CLNK: variants seen among roughly 807,000 people sequenced by gnomAD.
The protein encoded by CLNK is cytokine-dependent hematopoietic cell linker.
In CLNK, 74 loss-of-function variants were observed where a neutral mutation model predicts 68.6. That is an observed-to-expected ratio of 1.08 (90% confidence interval 0.89 to 1.31). The LOEUF (loss-of-function observed/expected upper bound fraction) is 1.31. Ranked by LOEUF, CLNK falls within the 50% of genes most tolerant of loss-of-function variation. CLNK has a pLI of 0.00. For synonymous variants in CLNK, 198 were observed against 172.2 expected (o/e 1.15, Z -1.17); for missense variants, 553 against 515.3 (o/e 1.07, Z -0.71).
chr4:10,622,994 C>A (rs921644814), intron 2 of CLNK, among the ~76,000 whole-genome samples: 3 of 152,114 alleles, frequency 2.0e-5, no homozygotes, highest in African/African-American at 7.2e-5. Context: ...CCATTTATGT[C>A]CCAAAGTCCC....
the CLNK span, among the ~76,000 whole-genome samples, chr4:10,730,833 A>G: frequency 9.9e-5 from 15 of 152,102 alleles, no homozygotes; most frequent in Admixed American, 9.2e-4. Flanking sequence ...TGCATACTGT[A>G]TCTATTCCCC....
chr4:10,610,170 C>A (rs1328350776), intron 2 of CLNK, among the ~76,000 whole-genome samples: 1 of 148,330 alleles, frequency 6.7e-6, no homozygotes, highest in Non-Finnish European at 1.5e-5. Flanking sequence ...CATTCTCCTG[C>A]CTCAGCCTCC....
chr4:10,521,001 A>C (rs1196747406), intron 14 of CLNK, among the ~76,000 whole-genome samples, 170 bp from the exon 15 acceptor site: 8 of 152,334 alleles, frequency 5.3e-5, no homozygotes, highest in African/African-American at 1.9e-4. Flanking sequence ...ACTAGGAGGC[A>C]TGTTATCCTC....
chr4:10,557,823 T>G lies in CLNK; in HGVS notation c.445+584A>C, dbSNP rs1036497891. On this transcript the variant is annotated intron_variant, in intron 8 of 18. Coordinates refer to ENST00000226951, the MANE Select transcript of CLNK (RefSeq NM_052964.4). ...TTATTGGGCAAAGTGAATCTTGGCATTGTCATCTTTTCCAGTCAAGCATTG... is the reference window on the plus strand; with the variant it reads ...TTATTGGGCAAAGTGAATCTTGGCAGTGTCATCTTTTCCAGTCAAGCATTG... Among the ~76,000 whole-genome samples the G allele has an allele frequency of 5.3e-5, 8 of 152,194 alleles. No homozygotes were observed. The East Asian group carries it at 1.5e-3, about 29-fold the overall frequency.
At chr4:10,536,056 A>G (rs1448005392) in intron 11 of CLNK, among the ~76,000 whole-genome samples, 4 of 152,198 alleles carry the variant, frequency 2.6e-5, no homozygotes, top group Admixed American at 2.6e-4. Context: ...TAGCTTTAAA[A>G]AAGAGAATAG....
At chr4:10,656,962 C>T (rs1724012819) in intron 2 of CLNK, among the ~76,000 whole-genome samples, 1 of 152,080 alleles carries the variant, frequency 6.6e-6, no homozygotes, top group Non-Finnish European at 1.5e-5. Context: ...ATAGAACAAT[C>T]AGAACTAAGA....
At chr4:10,567,574 A>G (rs1169191566) in intron 5 of CLNK, among the ~76,000 whole-genome samples, 3 of 152,238 alleles carry the variant, frequency 2.0e-5, no homozygotes, top group African/African-American at 7.2e-5. Flanking sequence ...AGAAATAGAT[A>G]AATTGGACTT....
the CLNK span, among the ~76,000 whole-genome samples, chr4:10,729,545 C>T: frequency 6.6e-6 from 1 of 152,278 alleles, no homozygotes. Context: ...AAATGTTACA[C>T]ACTCACCCAC....
chr4:10,601,174 G>C (rs1216955441), intron 2 of CLNK, among the ~76,000 whole-genome samples: 4 of 152,212 alleles, frequency 2.6e-5, no homozygotes. Context: ...GGCCAGGCTA[G>C]TTGGGGGTAG....
chr4:10,618,081 TCTTAGTAGTATTATCCA>T lies in CLNK; in HGVS notation c.12-20049_12-20033del, dbSNP rs1414803805. Among the ~76,000 whole-genome samples the T allele has an allele frequency of 2.6e-5, 4 of 152,234 alleles. No individual in the cohort carries two copies. In the East Asian group the frequency reaches 5.8e-4, roughly 22 times the overall value. ...CACACAAAGACTTACACACGAACAT[TCTTAGTAGTATTATCCA>T]TAAGAGCCTCAGACGGAAAACAACC... On this transcript the variant is annotated intron_variant, in intron 2 of 18. Coordinates refer to ENST00000226951, the MANE Select transcript of CLNK (RefSeq NM_052964.4).
At chr4:10,516,045 C>G (rs1349499105) in intron 15 of CLNK, among the ~76,000 whole-genome samples, 1 of 151,964 alleles carries the variant, frequency 6.6e-6, no homozygotes, top group Non-Finnish European at 1.5e-5. Context: ...GCATGTCTTT[C>G]CAGTCAATAA....
chr4:10,529,446 A>G (rs1718446868), intron 12 of CLNK, among the ~76,000 whole-genome samples: 1 of 152,200 alleles, frequency 6.6e-6, no homozygotes, highest in Non-Finnish European at 1.5e-5. Flanking sequence ...GTTGCTTCAT[A>G]GATAAGAAAC....
At chr4:10,612,287 C>T (rs1395633160) in intron 2 of CLNK, among the ~76,000 whole-genome samples, 2 of 152,222 alleles carry the variant, frequency 1.3e-5, no homozygotes, top group Non-Finnish European at 2.9e-5. Context: ...AGCTTTTGTA[C>T]AAGGTCTGCC....
the CLNK span, among the ~76,000 whole-genome samples, chr4:10,710,779 G>A: frequency 6.6e-6 from 1 of 152,178 alleles, no homozygotes; most frequent in African/African-American, 2.4e-5. Context: ...CCTTGGTTAT[G>A]TCTGTCTCCC....
chr4:10,702,095 A>T, the CLNK span, among the ~76,000 whole-genome samples: 1 of 152,238 alleles, frequency 6.6e-6, no homozygotes, highest in Non-Finnish European at 1.5e-5. Context: ...TCCCTAGTTT[A>T]TTCTGAAGAC....
chr4:10,699,512 A>ATTTTTT, the CLNK span, among the ~76,000 whole-genome samples: 1,377 of 32,242 alleles, frequency 0.043, 70 homozygotes, highest in Non-Finnish European at 0.062. Flanking sequence ...ATATATATAT[A>ATTTTTT]TTTTTTTTTT....
intron 16 of CLNK, among the ~76,000 whole-genome samples, chr4:10,512,633 A>G (rs1052918201): frequency 3.3e-5 from 5 of 152,076 alleles, no homozygotes; most frequent in Non-Finnish European, 5.9e-5. Flanking sequence ...GAGCTTTAGG[A>G]TACTGTAGGA....
intron 2 of CLNK, among the ~76,000 whole-genome samples, chr4:10,613,397 G>C (rs924802097): frequency 6.6e-6 from 1 of 152,202 alleles, no homozygotes; most frequent in Non-Finnish European, 1.5e-5. Flanking sequence ...CTAAGTAGTT[G>C]AATCAAGGTA....
intron 16 of CLNK, among the ~76,000 whole-genome samples, chr4:10,510,176 G>C (rs1389146744): frequency 6.6e-6 from 1 of 152,188 alleles, no homozygotes; most frequent in East Asian, 1.9e-4. Flanking sequence ...AGTGTGGCTG[G>C]TGAGTGTAGC....
Sources: allele counts gnomAD v4.1 joint callset (sites outside exome capture counted in the v4.1 genomes callset), GRCh38; gene constraint gnomAD v4.1.1; transcripts MANE v1.5; gene names NCBI Gene and HGNC (gene_info 2026-07-23, HGNC 2026-07-21).